SERTAD4: variants seen among roughly 807,000 people sequenced by gnomAD.
SERTAD4 encodes the protein SERTA domain containing 4.
Under a neutral mutation model 32.9 loss-of-function variants are expected in SERTAD4, and 18 were observed. The ratio of observed to expected loss-of-function variants is 0.55; its 90% confidence interval spans 0.38 to 0.81. The LOEUF is 0.81. SERTAD4 is among the 30% of genes least tolerant of loss of function. The pLI is 0.00. For missense variants in SERTAD4, 383 were observed against 426.0 expected (o/e 0.90, Z 0.89); for synonymous variants, 150 against 156.4 (o/e 0.96, Z 0.30).
chr1:210,234,001 A>AAT (rs1240625314), intron 1 of SERTAD4: 9 of 372,184 alleles, frequency 2.4e-5, no homozygotes, highest in Non-Finnish European at 4.8e-5. Flanking sequence ...TTTTAAAAAA[A>AAT]AAAAAGGATA....
chr1:210,239,621 A>G lies in SERTAD4; in HGVS notation c.291+13A>G. 1 of 1,407,738 alleles carries G rather than the reference A, an allele frequency of 7.1e-7. No individual in the cohort carries two copies. Among genetic ancestry groups the G allele is most frequent in the Non-Finnish European group, 1.0e-6 (1 of 1,002,924 alleles). The allele number at this position is 1,407,738 out of a possible 1,614,324, so 87.2% of individuals were successfully genotyped here. ...CTGTAGCCATAAAGTATGTTTTTTT[A>G]ATAGTCATTATTTTTATTAAGAGTT... On this transcript the variant is annotated intron_variant, in intron 3 of 3. Coordinates refer to ENST00000367012, the MANE Select transcript of SERTAD4 (RefSeq NM_019605.5).
In SERTAD4 at chr1:210,242,360, A is replaced by G; in HGVS notation, c.*23A>G. On this transcript the variant is annotated 3_prime_UTR_variant, in exon 4 of 4. Transcript: ENST00000367012. This position sits in a 1 kb window ranked among gnomAD's most constrained non-coding sequence, Gnocchi z 4.0. ...TGAGCCATCTTCTCACCGAACTTTGAAGCATGCACAGCATGATCAGTTAGC... is the reference window on the plus strand; with the variant it reads ...TGAGCCATCTTCTCACCGAACTTTGGAGCATGCACAGCATGATCAGTTAGC... 6.5e-7 allele frequency: 1 copy of G among 1,538,620 alleles called. No homozygotes were observed. Among genetic ancestry groups the G allele is most frequent in the Non-Finnish European group, 8.7e-7 (1 of 1,148,446 alleles).
At chr1:210,233,331 G>A (rs2083897573) in intron 1 of SERTAD4, among the ~76,000 whole-genome samples, 3 of 152,100 alleles carry the variant, frequency 2.0e-5, no homozygotes, top group Admixed American at 6.5e-5. Context: ...CGCGCGCACC[G>A]AGACAACTCC....
In SERTAD4 at chr1:210,238,153, C is replaced by T. The variant is rs1407477529; in HGVS notation, c.175+18C>T. The T allele has an allele frequency of 6.6e-6, 10 of 1,513,420 alleles. No homozygotes were observed. The highest frequency in any genetic ancestry group is 4.5e-5 in the East Asian group (2 of 44,114). 93.7% of individuals were successfully genotyped at this position (1,513,420 alleles called of 1,614,324 possible). On this transcript the variant is annotated intron_variant, in intron 2 of 3. Coordinates refer to ENST00000367012, the MANE Select transcript of SERTAD4 (RefSeq NM_019605.5). ...ACTGGCAGGTATTGCCCTTGACCTG[C>T]GCCCATCCCCCCCACCCCTCGCTGC...
chr1:210,242,520 T>G lies in SERTAD4; in HGVS notation c.*183T>G. The G allele has an allele frequency of 7.5e-7, 1 of 1,340,320 alleles. No homozygotes were observed. Among genetic ancestry groups the G allele is most frequent in the Admixed American group, 3.6e-5 (1 of 27,838 alleles). 83.0% of individuals were successfully genotyped at this position (1,340,320 alleles called of 1,614,324 possible). A position where few individuals can be genotyped will look rare whatever the true frequency, so the allele number is the denominator to read the frequency against. ...TCTGTATAGCAGGCATCAGCGAGCT[T>G]CTTATAAATGTGGTGATTTTTACCA... is the stretch of plus-strand genomic sequence containing the variant. On this transcript the variant is annotated 3_prime_UTR_variant, in exon 4 of 4. Transcript: ENST00000367012. The surrounding 1 kb of genome is among the most constrained non-coding windows in gnomAD (Gnocchi z 4.0).
intron 2 of SERTAD4, 38 bp downstream of exon 2, chr1:210,238,173 C>T (rs748339094): frequency 8.7e-6 from 11 of 1,271,604 alleles, no homozygotes; most frequent in Middle Eastern, 2.8e-4. Flanking sequence ...CCCCACCCCT[C>T]GCTGCCCTTT....
In SERTAD4 at chr1:210,239,543, T is replaced by C. The variant is rs199512235; in HGVS notation, c.226T>C (p.Tyr76His). 2.8e-5 allele frequency: 45 copies of C among 1,609,408 alleles called. No individual in the cohort carries two copies. Among genetic ancestry groups the C allele is most frequent in the Middle Eastern group, 1.6e-4 (1 of 6,078 alleles). The change falls in exon 3 of 4, where the codon TAC becomes CAC. Residue 76 changes from tyrosine (Y) to histidine (H), a missense_variant. Coordinates refer to ENST00000367012, the MANE Select transcript of SERTAD4 (RefSeq NM_019605.5). ...TCCTATAACAACATCCAAGATCACA[T>C]ACTTTAAGAGGAAGTATGTGGAAGA... is the stretch of plus-strand genomic sequence containing the variant. ...SNPITTSKIT[Y>H]FKRKYVEEED...
rs770950723 is a variant in SERTAD4, at chr1:210,242,771, AT to A, written c.*442del. ...ACCTGCTTCTTCTATATGATACAATATTTTTTTTAAATAAAAGACTAAAGAC... is the reference window on the plus strand; with the variant it reads ...ACCTGCTTCTTCTATATGATACAATATTTTTTTAAATAAAAGACTAAAGAC... On this transcript the variant is annotated 3_prime_UTR_variant, in exon 4 of 4. Transcript: ENST00000367012. This position sits in a 1 kb window ranked among gnomAD's most constrained non-coding sequence, Gnocchi z 4.0. 6 of 987,690 alleles carry A rather than the reference AT, an allele frequency of 6.1e-6. No homozygotes were observed. The highest frequency in any genetic ancestry group is 1.1e-4 in the East Asian group (1 of 8,892). The allele number at this position is 987,690 out of a possible 1,614,324, so 61.2% of individuals were successfully genotyped here. A position where few individuals can be genotyped will look rare whatever the true frequency, so the allele number is the denominator to read the frequency against.
At position 210,243,959 on chromosome 1, in the gene SERTAD4, G is replaced by T. The variant is rs1031258820; in HGVS notation, c.*1622G>T. 2.0e-5 allele frequency: 3 copies of T among 152,148 alleles called. No homozygotes were observed. Among genetic ancestry groups the T allele is most frequent in the African/African-American group, 7.2e-5 (3 of 41,432 alleles). The allele number at this position is 152,148 out of a possible 1,614,324, so 9.4% of individuals were successfully genotyped here. ...CATTTTCTTGTGTTATAGTTAAATA[G>T]TCTAGTAATGTTTTGTCCTTTATTT... is the stretch of plus-strand genomic sequence containing the variant. On this transcript the variant is annotated 3_prime_UTR_variant, in exon 4 of 4. Coordinates refer to ENST00000367012, the MANE Select transcript of SERTAD4 (RefSeq NM_019605.5).
At chr1:210,233,967 C>T (rs1168061624) in intron 1 of SERTAD4, 2 of 393,522 alleles carry the variant, frequency 5.1e-6, no homozygotes, top group Non-Finnish European at 5.0e-6. Flanking sequence ...TGTTTATTTC[C>T]CTTAGAAGGA....
Position 210,240,273 on chromosome 1 carries a change from T to C in SERTAD4, c.291+665T>C, listed in dbSNP as rs186395364. ...ATATCAGTTCATTTTTCTTTAGAGT[T>C]ACCTTCCTTCAATAACTATCTGCTG... On this transcript the variant is annotated intron_variant, in intron 3 of 3. Transcript: ENST00000367012. 5.3e-5 allele frequency among the ~76,000 whole-genome samples: 8 copies of C among 152,336 alleles called. No individual in the cohort carries two copies. In the East Asian group the frequency reaches 1.5e-3, roughly 29 times the overall value.
At position 210,245,899 on chromosome 1, in the gene SERTAD4, G is replaced by A. The variant is rs773546184; in HGVS notation, c.*3562G>A. The A allele has an allele frequency of 9.1e-5, 90 of 985,230 alleles. 1 individual carries two copies. Among genetic ancestry groups the A allele is most frequent in the Non-Finnish European group, 1.1e-4 (88 of 829,844 alleles). The allele number at this position is 985,230 out of a possible 1,614,324, so 61.0% of individuals were successfully genotyped here. On this transcript the variant is annotated 3_prime_UTR_variant, in exon 4 of 4. Transcript: ENST00000367012. ...GATACAAGGATTCCTATGTGATGCA[G>A]CTAGGTTTTTATATCCTTCTAACAA...
Position 210,233,984 on chromosome 1 carries a change from G to T in SERTAD4, c.-18+973G>T, listed in dbSNP as rs1403647670. 7.3e-5 allele frequency: 25 copies of T among 340,864 alleles called. No individual in the cohort carries two copies. In the Middle Eastern group the frequency reaches 2.6e-3, roughly 35 times the overall value. The allele number at this position is 340,864 out of a possible 1,614,324, so 21.1% of individuals were successfully genotyped here. A position where few individuals can be genotyped will look rare whatever the true frequency, so the allele number is the denominator to read the frequency against. On this transcript the variant is annotated intron_variant, in intron 1 of 3. Transcript: ENST00000367012. The stretch of plus-strand genomic sequence containing the variant: ...TTTATTTCCCTTAGAAGGAAACTTG[G>T]TTTTTTTTTTAAAAAAAAAAAAGGA...
Position 210,243,114 on chromosome 1 carries a change from A to AACC in SERTAD4, c.*780_*782dup. On this transcript the variant is annotated 3_prime_UTR_variant, in exon 4 of 4. Coordinates refer to ENST00000367012, the MANE Select transcript of SERTAD4 (RefSeq NM_019605.5). ...AGGACAAAAAAAAAAAAAAAAAAAA[A>AACC]ACCACAGGGTGGATCAATATGGTTT... 238 of 695,306 alleles carry AACC rather than the reference A, an allele frequency of 3.4e-4. No homozygotes were observed. The highest frequency in any genetic ancestry group is 3.8e-4 in the Non-Finnish European group (213 of 566,912). 43.1% of individuals were successfully genotyped at this position (695,306 alleles called of 1,614,324 possible).
At position 210,245,039 on chromosome 1, in the gene SERTAD4, A is replaced by C. The variant is rs1307073504; in HGVS notation, c.*2702A>C. 4 of 152,156 alleles carry C rather than the reference A, an allele frequency of 2.6e-5. No homozygotes were observed. The highest frequency in any genetic ancestry group is 5.9e-5 in the Non-Finnish European group (4 of 68,024). 9.4% of individuals were successfully genotyped at this position (152,156 alleles called of 1,614,324 possible). On this transcript the variant is annotated 3_prime_UTR_variant, in exon 4 of 4. Coordinates refer to ENST00000367012, the MANE Select transcript of SERTAD4 (RefSeq NM_019605.5). ...CCCAGCATTGTCTTTTATGCATGAG[A>C]TATTCCATTAGATTTTCCTAGAGTG...
intron 2 of SERTAD4, 26 bp downstream of exon 2, chr1:210,238,161 C>A (rs181660015): frequency 2.8e-6 from 4 of 1,409,816 alleles, no homozygotes; most frequent in Non-Finnish European, 3.9e-6. Flanking sequence ...TGCGCCCATC[C>A]CCCCCACCCC....
At chr1:210,239,041 A>G (rs1358714461) in intron 2 of SERTAD4, among the ~76,000 whole-genome samples, 1 of 152,142 alleles carries the variant, frequency 6.6e-6, no homozygotes, top group Non-Finnish European at 1.5e-5. Flanking sequence ...GCAGATAACC[A>G]TTTGTTCACT....
In SERTAD4 at chr1:210,243,365, C is replaced by G. The variant is rs753739455; in HGVS notation, c.*1028C>G. The G allele has an allele frequency of 3.2e-5, 5 of 155,988 alleles. No homozygotes were observed. The highest frequency in any genetic ancestry group is 7.0e-5 in the Non-Finnish European group (5 of 71,672). 9.7% of individuals were successfully genotyped at this position (155,988 alleles called of 1,614,324 possible). A position where few individuals can be genotyped will look rare whatever the true frequency, so the allele number is the denominator to read the frequency against. ...GTTTTGGGTTGTTTTGTTTTGTTTTCTTGTCCAATGAAGTTCACGAACCAG... is the reference window on the plus strand; with the variant it reads ...GTTTTGGGTTGTTTTGTTTTGTTTTGTTGTCCAATGAAGTTCACGAACCAG... On this transcript the variant is annotated 3_prime_UTR_variant, in exon 4 of 4. Transcript: ENST00000367012.
intron 2 of SERTAD4, 54 bp from the exon 3 acceptor site, chr1:210,239,439 G>T: frequency 9.8e-7 from 1 of 1,025,558 alleles, no homozygotes; most frequent in Non-Finnish European, 1.5e-6. Context: ...TATTTTGTTT[G>T]GAGAACCTCT....
Sources: allele counts gnomAD v4.1 joint callset (sites outside exome capture counted in the v4.1 genomes callset), GRCh38; gene constraint gnomAD v4.1.1; non-coding constraint Gnocchi (gnomAD v3.1); transcripts MANE v1.5; gene names NCBI Gene and HGNC (gene_info 2026-07-23, HGNC 2026-07-21).